The following VGLL3 variants were observed in gnomAD, a reference collection of about 807,000 sequenced individuals.
VGLL3 encodes the protein vestigial like family member 3.
In VGLL3, 18 loss-of-function variants were observed where a neutral mutation model predicts 29.2. The ratio of observed to expected loss-of-function variants is 0.62; its 90% confidence interval spans 0.43 to 0.91. The LOEUF is 0.91. VGLL3 is among the 40% of genes least tolerant of loss of function. The pLI is 0.00. For synonymous variants in VGLL3, 180 were observed against 151.8 expected, an observed-to-expected ratio of 1.19 and a Z score of -1.36; for missense variants, 440 against 413.2, an observed-to-expected ratio of 1.06 and a Z score of -0.56.
At chr3:86,959,768 T>C (rs1704800608) in intron 3 of VGLL3, among the ~76,000 whole-genome samples, 1 of 152,112 alleles carries the variant, frequency 6.6e-6, no homozygotes, top group Non-Finnish European at 1.5e-5. Flanking sequence ...GAAATTAACA[T>C]ATCGTAACTA....
At chr3:86,956,824 A>T (rs1704734228) in intron 3 of VGLL3, among the ~76,000 whole-genome samples, 1 of 151,048 alleles carries the variant, frequency 6.6e-6, no homozygotes, top group Non-Finnish European at 1.5e-5. Flanking sequence ...GAAAGAAAAT[A>T]CTTAAGATAA....
At chr3:86,965,028 G>A (rs1704930501) in intron 3 of VGLL3, among the ~76,000 whole-genome samples, 1 of 151,924 alleles carries the variant, frequency 6.6e-6, no homozygotes, top group African/African-American at 2.4e-5. Context: ...ATAGTGGCAT[G>A]CACCTGTAGT....
In VGLL3 at chr3:86,965,159, GA is replaced by G. The variant is rs558718976; in HGVS notation, c.937+3430del. On this transcript the variant is annotated intron_variant, in intron 3 of 3. Transcript: ENST00000398399. ...GCAACAGAGCCAGACTCCATCAAAA[GA>G]AAAAAAAAAAAAGGAAAGAAAGCAA... Among the ~76,000 whole-genome samples, 860 of 111,202 alleles carry G rather than the reference GA, an allele frequency of 7.7e-3. 8 individuals carry two copies. The highest frequency in any genetic ancestry group is 0.023 in the African/African-American group (677 of 30,072). 73.0% of individuals were successfully genotyped at this position (111,202 alleles called of 152,430 possible). A position where few individuals can be genotyped will look rare whatever the true frequency, so the allele number is the denominator to read the frequency against.
intron 3 of VGLL3, among the ~76,000 whole-genome samples, chr3:86,955,836 T>A (rs1365904466): frequency 6.6e-6 from 1 of 152,162 alleles, no homozygotes. Context: ...AGACCAGGCA[T>A]GAAAATAAAC....
chr3:86,962,474 G>A (rs2106997874), intron 3 of VGLL3: 1 of 985,112 alleles, frequency 1.0e-6, no homozygotes, highest in African/African-American at 1.7e-5. Flanking sequence ...CATTCCTATG[G>A]CAGTTTTGCC....
chr3:86,984,644 G>T lies in VGLL3; in HGVS notation c.127-5842C>A, dbSNP rs1031652180. Among the ~76,000 whole-genome samples, 5 of 151,798 alleles carry T rather than the reference G, an allele frequency of 3.3e-5. No homozygotes were observed. In the East Asian group the frequency reaches 9.6e-4, roughly 29 times the overall value. On this transcript the variant is annotated intron_variant, in intron 1 of 3. Transcript: ENST00000398399. The stretch of plus-strand genomic sequence containing the variant: ...GTATAATTCTATTACTAGACTTAGG[G>T]TATAATTTCATTTTTAAGGTAATTT...
At chr3:86,977,210 A>T (rs1705226352) in intron 2 of VGLL3, among the ~76,000 whole-genome samples, 1 of 152,124 alleles carries the variant, frequency 6.6e-6, no homozygotes, top group Non-Finnish European at 1.5e-5. Flanking sequence ...AAAGAAAAAA[A>T]AGAAGGAGAG....
In VGLL3 at chr3:86,946,820, T is replaced by G. The variant is rs931487362; in HGVS notation, c.*204A>C. On this transcript the variant is annotated 3_prime_UTR_variant, in exon 4 of 4. Transcript: ENST00000398399. ...GTTGGCAAAGGCTCAGATGAGGAAA[T>G]AAACAAATAAAAATGCTTTTCTTCA... 2.0e-6 allele frequency: 1 copy of G among 509,508 alleles called. No homozygotes were observed. The highest frequency in any genetic ancestry group is 3.6e-5 in the Admixed American group (1 of 27,410). 31.6% of individuals were successfully genotyped at this position (509,508 alleles called of 1,614,324 possible).
intron 3 of VGLL3, among the ~76,000 whole-genome samples, chr3:86,947,289 G>T (rs942228815): frequency 6.6e-6 from 1 of 152,074 alleles, no homozygotes; most frequent in Non-Finnish European, 1.5e-5. Flanking sequence ...ACAAGACTAG[G>T]ACAGTGCTAT....
chr3:86,979,148 A>G (rs1248011113), intron 1 of VGLL3, among the ~76,000 whole-genome samples: 2 of 152,216 alleles, frequency 1.3e-5, no homozygotes, highest in African/African-American at 2.4e-5. Context: ...ACTTTTTTAA[A>G]AAGTTTTTCT....
At position 86,939,977 on chromosome 3, in the gene VGLL3, C is replaced by T. The variant is rs942790441; in HGVS notation, c.*7047G>A. ...ATAATAAATTTGTGTTGTTTTAGGCCGTTATCGTTGTAGTAATGTAGTAAT... is the reference window on the plus strand; with the variant it reads ...ATAATAAATTTGTGTTGTTTTAGGCTGTTATCGTTGTAGTAATGTAGTAAT... On this transcript the variant is annotated 3_prime_UTR_variant, in exon 4 of 4. Coordinates refer to ENST00000398399, the MANE Select transcript of VGLL3 (RefSeq NM_016206.4). The T allele has an allele frequency of 1.7e-4, 26 of 151,856 alleles. No individual in the cohort carries two copies. The highest frequency in any genetic ancestry group is 6.3e-4 in the African/African-American group (26 of 41,316). 9.4% of individuals were successfully genotyped at this position (151,856 alleles called of 1,614,324 possible).
chr3:86,984,580 G>A (rs541460493), intron 1 of VGLL3, among the ~76,000 whole-genome samples: 1 of 152,244 alleles, frequency 6.6e-6, no homozygotes, highest in Non-Finnish European at 1.5e-5. Flanking sequence ...TACTTTGAAG[G>A]AGACAACAGT....
chr3:86,948,890 C>T (rs1704558715), intron 3 of VGLL3, among the ~76,000 whole-genome samples: 1 of 152,146 alleles, frequency 6.6e-6, no homozygotes, highest in African/African-American at 2.4e-5. Context: ...AAATGGTTTT[C>T]TGGTTAGAAT....
rs374547464 is a variant in VGLL3, at chr3:86,942,802, G to A, written c.*4222C>T. 6.6e-6 allele frequency: 1 copy of A among 152,126 alleles called. No homozygotes were observed. Among genetic ancestry groups the A allele is most frequent in the African/African-American group, 2.4e-5 (1 of 41,430 alleles). The allele number at this position is 152,126 out of a possible 1,614,324, so 9.4% of individuals were successfully genotyped here. A position where few individuals can be genotyped will look rare whatever the true frequency, so the allele number is the denominator to read the frequency against. On this transcript the variant is annotated 3_prime_UTR_variant, in exon 4 of 4. Coordinates refer to ENST00000398399, the MANE Select transcript of VGLL3 (RefSeq NM_016206.4). The stretch of plus-strand genomic sequence containing the variant: ...TACCAGGTAGAAGGAACAGTTAGTA[G>A]GAGAAAAAGATTCTCTTTGCAGTAA...
chr3:86,986,496 T>C (rs1267377002), intron 1 of VGLL3, among the ~76,000 whole-genome samples: 1 of 152,152 alleles, frequency 6.6e-6, no homozygotes, highest in Non-Finnish European at 1.5e-5. Flanking sequence ...GCACTTTAAG[T>C]CTCGAAGTCT....
At position 86,945,478 on chromosome 3, in the gene VGLL3, A is replaced by G. The variant is rs1469453644; in HGVS notation, c.*1546T>C. 8 of 152,176 alleles carry G rather than the reference A, an allele frequency of 5.3e-5. No homozygotes were observed. Among genetic ancestry groups the G allele is most frequent in the Admixed American group, 4.6e-4 (7 of 15,276 alleles). 9.4% of individuals were successfully genotyped at this position (152,176 alleles called of 1,614,324 possible). A position where few individuals can be genotyped will look rare whatever the true frequency, so the allele number is the denominator to read the frequency against. On this transcript the variant is annotated 3_prime_UTR_variant, in exon 4 of 4. Coordinates refer to ENST00000398399, the MANE Select transcript of VGLL3 (RefSeq NM_016206.4). ...TATAAAGCTAAAAAACTTCTCTAAT[A>G]CACTAACTTTTTTACATGACATCTC...
intron 2 of VGLL3, among the ~76,000 whole-genome samples, chr3:86,976,959 A>G (rs1278404236): frequency 6.6e-6 from 1 of 152,198 alleles, no homozygotes; most frequent in Non-Finnish European, 1.5e-5. Context: ...TCTACAAATT[A>G]TTAAAATTAT....
intron 2 of VGLL3, among the ~76,000 whole-genome samples, chr3:86,971,705 G>C (rs1397075818): frequency 6.6e-6 from 1 of 152,158 alleles, no homozygotes; most frequent in Non-Finnish European, 1.5e-5. Context: ...TAAGTTGTAA[G>C]AAGAAAATTC....
At chr3:86,964,583 T>C (rs1198553835) in intron 3 of VGLL3, among the ~76,000 whole-genome samples, 2 of 152,138 alleles carry the variant, frequency 1.3e-5, no homozygotes, top group Non-Finnish European at 2.9e-5. Flanking sequence ...TAGAAGGTAA[T>C]TAGGTTATGA....
Sources: gnomAD v4.1 joint callset for allele counts (sites outside exome capture counted in the v4.1 genomes callset) on GRCh38, gnomAD v4.1.1 for gene constraint, MANE v1.5 for transcripts, NCBI Gene and HGNC (gene_info 2026-07-23, HGNC 2026-07-21) for gene names.